Variants in THBS4 observed in about 807,000 individuals in gnomAD.
THBS4 encodes thrombospondin 4.
Under a neutral mutation model 115.7 loss-of-function variants are expected in THBS4, and 90 were observed. The ratio of observed to expected loss-of-function variants is 0.78; its 90% confidence interval spans 0.66 to 0.93. The LOEUF (loss-of-function observed/expected upper bound fraction) is 0.93. THBS4 is among the 40% of genes least tolerant of loss of function. The pLI, the probability that THBS4 is intolerant of heterozygous loss-of-function variation, is 0.00. For missense variants in THBS4, 1,087 were observed against 1,232.7 expected (o/e 0.88, Z 1.77); for synonymous variants, 460 against 479.3 (o/e 0.96, Z 0.53).
intron 2 of THBS4, among the ~76,000 whole-genome samples, chr5:80,047,819 T>C (rs1833123145): frequency 6.6e-6 from 1 of 151,854 alleles, no homozygotes; most frequent in African/African-American, 2.4e-5. Context: ...GTTGTTGTCG[T>C]TATCCTTAGT....
intron 1 of THBS4, among the ~76,000 whole-genome samples, chr5:79,993,976 C>T (rs1184814228): frequency 1.3e-5 from 2 of 152,218 alleles, no homozygotes; most frequent in African/African-American, 4.8e-5. Flanking sequence ...GAGCTGAGTT[C>T]TTGACTTGGC....
chr5:80,034,848 C>G (rs947001676), upstream of THBS4, among the ~76,000 whole-genome samples: 12 of 152,198 alleles, frequency 7.9e-5, no homozygotes, highest in Admixed American at 7.9e-4. Flanking sequence ...AAGAAACTCG[C>G]TGCTCTCTGG....
intron 7 of THBS4, among the ~76,000 whole-genome samples, chr5:80,061,281 G>A (rs1218778543): frequency 6.6e-6 from 1 of 152,174 alleles, no homozygotes; most frequent in Non-Finnish European, 1.5e-5. Flanking sequence ...ACCGGCCCTG[G>A]CTTTGCCTTC....
chr5:80,070,202 G>A (rs1833982729), intron 10 of THBS4, 104 bp from the exon 11 acceptor site: 1 of 907,198 alleles, frequency 1.1e-6, no homozygotes, highest in South Asian at 1.7e-5. Context: ...GTGACTCTGG[G>A]CCCTCCCCCT....
chr5:80,061,705 A>G lies in THBS4; in HGVS notation c.998A>G (p.His333Arg). Residue 333 changes from histidine (H) to arginine (R), a missense_variant, in exon 8 of 22, where the codon CAT (histidine) becomes CGT (arginine). This residue lies in a region of THBS4 where 979 missense variants were observed against 1,103.7 expected (regional missense o/e 0.89). Coordinates refer to ENST00000350881, the MANE Select transcript of THBS4 (RefSeq NM_003248.6). Reference protein sequence around the residue: ...TCIDVDECKYHPCYPGVHCIN... With the variant: ...TCIDVDECKYRPCYPGVHCIN... ...CTTTTTTGTCTCCAGTGCAAATACCATCCCTGCTACCCGGGCGTGCACTGC... is the reference window on the plus strand; with the variant it reads ...CTTTTTTGTCTCCAGTGCAAATACCGTCCCTGCTACCCGGGCGTGCACTGC... 1 of 1,612,862 alleles carries G rather than the reference A, an allele frequency of 6.2e-7. No individual in the cohort carries two copies. The highest frequency in any genetic ancestry group is 8.5e-7 in the Non-Finnish European group (1 of 1,179,374).
In THBS4 at chr5:80,017,363, T is replaced by A. The variant is rs535604265; in HGVS notation, n.177+18936T>A. On this transcript the variant is annotated intron_variant and non_coding_transcript_variant, in intron 2 of 3. Coordinates refer to the THBS4 transcript ENST00000510218. ...ACAACATGCAACCCAACAAAATGTG[T>A]GTTTTTTTAAGGAATTTTGTTCTTT... Among the ~76,000 whole-genome samples, 21 of 152,286 alleles carry A rather than the reference T, an allele frequency of 1.4e-4. No homozygotes were observed. The East Asian group carries it at 2.7e-3, about 20-fold the overall frequency.
At chr5:80,074,584 C>A (rs1431674885) in intron 15 of THBS4, among the ~76,000 whole-genome samples, 9 of 151,644 alleles carry the variant, frequency 5.9e-5, no homozygotes, top group Admixed American at 5.9e-4. Context: ...TGACCCAAAC[C>A]TTACTCAAGG....
rs1244040665 is a variant in THBS4, at chr5:80,077,679, AC to A, written c.2087-369del. ...GGTAACAATAATTTCCCTGTTTTCT[AC>A]ACATTACAGTCCAGAAAGTGCTGTA... On this transcript the variant is annotated intron_variant, in intron 16 of 21. Transcript: ENST00000350881. Among the ~76,000 whole-genome samples the A allele has an allele frequency of 5.3e-5, 8 of 152,336 alleles. No individual in the cohort carries two copies. The Middle Eastern group carries it at 0.02, about 389-fold the overall frequency.
intron 2 of THBS4, among the ~76,000 whole-genome samples, chr5:80,004,425 A>G (rs1331261780): frequency 6.6e-6 from 1 of 152,122 alleles, no homozygotes; most frequent in Non-Finnish European, 1.5e-5. Flanking sequence ...GGAGATGCAG[A>G]TCTGGGTCCC....
chr5:80,007,025 TC>T (rs1832032566), intron 2 of THBS4, among the ~76,000 whole-genome samples: 1 of 152,136 alleles, frequency 6.6e-6, no homozygotes, highest in South Asian at 2.1e-4. Flanking sequence ...GGACAAAAAT[TC>T]CTTCCCTTGT....
chr5:80,082,917 C>A (rs988810949), intron 21 of THBS4, among the ~76,000 whole-genome samples, 163 bp from the exon 22 acceptor site: 6 of 152,248 alleles, frequency 3.9e-5, no homozygotes, highest in Admixed American at 1.3e-4. Flanking sequence ...TTTAAGCCAA[C>A]GGTTTGCAAA....
rs191144702 is a variant in THBS4 at position 80,029,425 on chromosome 5, A to C, written n.178-10652A>C. On this transcript the variant is annotated intron_variant and non_coding_transcript_variant, in intron 2 of 3. Coordinates refer to the THBS4 transcript ENST00000510218. Reference sequence around the variant, plus strand: ...TCTCTCTGGACTTCAAGTTTGGTATATACATAATTATTAAATGTATACATA... The same window carrying C: ...TCTCTCTGGACTTCAAGTTTGGTATCTACATAATTATTAAATGTATACATA... 1.9e-3 allele frequency among the ~76,000 whole-genome samples: 285 copies of C among 150,782 alleles called. 1 individual carries two copies. The highest frequency in any genetic ancestry group is 3.0e-3 in the Non-Finnish European group (202 of 68,024).
intron 14 of THBS4, 128 bp from the exon 15 acceptor site, chr5:80,073,147 T>C: frequency 1.1e-6 from 1 of 925,098 alleles, no homozygotes; most frequent in South Asian, 1.4e-5. Context: ...CCTTTTGCAG[T>C]TTTGCACCAC....
exon 1 of THBS4, chr5:79,991,352 A>C (rs1831667549): frequency 2.3e-6 from 2 of 884,718 alleles, no homozygotes; most frequent in Admixed American, 6.3e-5. Flanking sequence ...CTCTTGAGAG[A>C]TGAGAGAAAC....
chr5:80,007,059 A>C (rs375984746), intron 2 of THBS4, among the ~76,000 whole-genome samples: 2 of 152,192 alleles, frequency 1.3e-5, no homozygotes, highest in African/African-American at 4.8e-5. Context: ...CAAGAATATG[A>C]GACCAAGGAG....
At chr5:80,024,204 A>G (rs943891963) in intron 2 of THBS4, among the ~76,000 whole-genome samples, 2 of 152,316 alleles carry the variant, frequency 1.3e-5, no homozygotes, top group Non-Finnish European at 2.9e-5. Context: ...CATCTTATGA[A>G]TGACCACTCT....
rs747091903 is a variant in THBS4 at position 80,065,469 on chromosome 5, A to G, written c.1186A>G (p.Asn396Asp). 1.2e-6 allele frequency: 2 copies of G among 1,613,250 alleles called. No individual in the cohort carries two copies. Among genetic ancestry groups the G allele is most frequent in the Admixed American group, 3.4e-5 (2 of 59,680 alleles). ...GACVPNSICV[N>D]TLGSYRCGPC... Reference sequence around the variant, plus strand: ...GTGCGTTCCCAACTCGATCTGCGTTAATACTTTGGTAAGTATTTCTCACAG... The same window carrying G: ...GTGCGTTCCCAACTCGATCTGCGTTGATACTTTGGTAAGTATTTCTCACAG... The change falls in exon 9 of 22, where the codon AAT becomes GAT. Residue 396 changes from asparagine (N) to aspartate (D), a missense_variant. Physicochemically the swap from Asn to Asp is conservative, Grantham distance 23 (BLOSUM62 1). Coordinates refer to ENST00000350881, the MANE Select transcript of THBS4 (RefSeq NM_003248.6).
chr5:80,000,845 G>A (rs1831884660), intron 2 of THBS4, among the ~76,000 whole-genome samples: 1 of 152,056 alleles, frequency 6.6e-6, no homozygotes, highest in African/African-American at 2.4e-5. Flanking sequence ...GTTACGGGCG[G>A]GAATTGTGGT....
chr5:80,072,986 C>T (rs576305536), intron 14 of THBS4, among the ~76,000 whole-genome samples: 1 of 152,352 alleles, frequency 6.6e-6, no homozygotes, highest in African/African-American at 2.4e-5. Context: ...TGACCCGTGC[C>T]AGAGTTCCAT....
Sources: allele counts gnomAD v4.1 joint callset (sites outside exome capture counted in the v4.1 genomes callset), GRCh38; gene constraint gnomAD v4.1.1; regional missense constraint gnomAD v4.1.1; transcripts MANE v1.5; gene names NCBI Gene and HGNC (gene_info 2026-07-23, HGNC 2026-07-21).